MAML3: variants seen among roughly 807,000 people sequenced by gnomAD.
MAML3 encodes mastermind like transcriptional coactivator 3.
Under a neutral mutation model 101.9 loss-of-function variants are expected in MAML3, and 27 were observed. That is an observed-to-expected ratio of 0.27 (90% confidence interval 0.20 to 0.37). MAML3 has a LOEUF of 0.37. MAML3 is among the 10% of genes least tolerant of loss of function. The pLI is 1.00. For synonymous variants in MAML3, 501 were observed against 555.9 expected (o/e 0.90, Z 1.39); for missense variants, 1,316 against 1,444.9 (o/e 0.91, Z 1.45).
At chr4:139,939,825 C>T (rs557874026) in intron 1 of MAML3, among the ~76,000 whole-genome samples, 5 of 146,744 alleles carry the variant, frequency 3.4e-5, no homozygotes, top group South Asian at 2.2e-4. Flanking sequence ...AGTGCAGTGG[C>T]GCGATCTCGG....
At chr4:139,930,191 T>C (rs115169461) in intron 1 of MAML3, among the ~76,000 whole-genome samples, 3,184 of 152,296 alleles carry the variant, frequency 0.021, 122 homozygotes, top group African/African-American at 0.072. Flanking sequence ...CTTTGGGATA[T>C]GAAAGTACCA....
intron 2 of MAML3, among the ~76,000 whole-genome samples, chr4:139,809,430 C>T (rs929006843): frequency 6.6e-6 from 1 of 152,182 alleles, no homozygotes; most frequent in Admixed American, 6.5e-5. Context: ...ACAGAAGCAG[C>T]CACAGCACCA....
intron 1 of MAML3, among the ~76,000 whole-genome samples, chr4:139,918,656 G>C (rs2111231763): frequency 6.6e-6 from 1 of 152,266 alleles, no homozygotes. Flanking sequence ...GCTCCTTGCA[G>C]ACAAGCACCT....
intron 1 of MAML3, among the ~76,000 whole-genome samples, chr4:140,039,117 C>T (rs780061828): frequency 7.9e-5 from 12 of 151,276 alleles, no homozygotes; most frequent in Non-Finnish European, 1.3e-4. Flanking sequence ...AGCAAGACTC[C>T]GTCTAAAAAA....
At chr4:139,996,602 G>GTAAAA (rs1734819660) in intron 1 of MAML3, among the ~76,000 whole-genome samples, 1 of 151,850 alleles carries the variant, frequency 6.6e-6, no homozygotes, top group South Asian at 2.1e-4. Flanking sequence ...TATTTGCATA[G>GTAAAA]CAAATGATTT....
intron 1 of MAML3, among the ~76,000 whole-genome samples, chr4:139,905,346 G>T (rs1365929138): frequency 6.6e-6 from 1 of 152,000 alleles, no homozygotes; most frequent in Non-Finnish European, 1.5e-5. Flanking sequence ...AAAAAAATTA[G>T]CTGGGTGTGG....
At chr4:139,869,678 T>C (rs894706932) in intron 2 of MAML3, among the ~76,000 whole-genome samples, 9 of 152,076 alleles carry the variant, frequency 5.9e-5, no homozygotes, top group Non-Finnish European at 1.0e-4. Context: ...ACACACGTAA[T>C]ATTCATTAAA....
At chr4:139,899,304 G>A (rs1462357668) in intron 1 of MAML3, among the ~76,000 whole-genome samples, 1 of 152,158 alleles carries the variant, frequency 6.6e-6, no homozygotes, top group East Asian at 1.9e-4. Context: ...CTAAGAAACA[G>A]TGCTCTAGAT....
At chr4:140,104,335 T>C (rs1229022909) in intron 1 of MAML3, among the ~76,000 whole-genome samples, 1 of 112,836 alleles carries the variant, frequency 8.9e-6, no homozygotes, top group Non-Finnish European at 1.8e-5. Flanking sequence ...CAGTGAGCCC[T>C]GTCTCAAAAA....
In MAML3 at chr4:139,890,990, G is replaced by C. The variant is rs1181850794; in HGVS notation, c.469-23C>G. Reference sequence around the variant, plus strand: ...TAGCTGGAAAAGAAACAGGAAAGAGGATGACTAAACCTCCAAGTCATATTT... The same window carrying C: ...TAGCTGGAAAAGAAACAGGAAAGAGCATGACTAAACCTCCAAGTCATATTT... On this transcript the variant is annotated intron_variant, in intron 1 of 4. Transcript: ENST00000509479. The surrounding 1 kb of genome is among the most constrained non-coding windows in gnomAD (Gnocchi z 4.1). 6.3e-7 allele frequency: 1 copy of C among 1,599,228 alleles called. No homozygotes were observed. Among genetic ancestry groups the C allele is most frequent in the Non-Finnish European group, 8.5e-7 (1 of 1,171,524 alleles).
At chr4:140,076,015 G>A (rs1018551613) in intron 1 of MAML3, among the ~76,000 whole-genome samples, 1 of 151,648 alleles carries the variant, frequency 6.6e-6, no homozygotes, top group Non-Finnish European at 1.5e-5. Context: ...ACCTGCCTTG[G>A]CCTCCCAAAG....
chr4:140,013,777 C>T (rs888423001), intron 1 of MAML3, among the ~76,000 whole-genome samples: 5 of 152,164 alleles, frequency 3.3e-5, no homozygotes, highest in African/African-American at 1.2e-4. Context: ...TTCCCCATCC[C>T]CAGTGTAAAT....
chr4:139,801,634 GT>G (rs1347301818), intron 2 of MAML3, among the ~76,000 whole-genome samples: 12 of 10,116 alleles, frequency 1.2e-3, no homozygotes, highest in African/African-American at 3.3e-3. Context: ...CAGGAACAGG[GT>G]GTGTGTGGGT....
At chr4:139,933,117 GAGAA>G (rs1245570511) in intron 1 of MAML3, among the ~76,000 whole-genome samples, 5 of 152,044 alleles carry the variant, frequency 3.3e-5, no homozygotes, top group Non-Finnish European at 7.4e-5. Context: ...GAGATGTGGA[GAGAA>G]AGAAAGAAAG....
chr4:139,728,419 G>A (rs1263702276), intron 3 of MAML3, among the ~76,000 whole-genome samples: 2 of 152,194 alleles, frequency 1.3e-5, no homozygotes, highest in Admixed American at 1.3e-4. Context: ...AGCACATACA[G>A]CTTCCAAAAC....
chr4:139,892,980 T>C (rs1732534670), intron 1 of MAML3, among the ~76,000 whole-genome samples: 2 of 150,240 alleles, frequency 1.3e-5, no homozygotes, highest in South Asian at 2.1e-4. Context: ...AAAAACCACC[T>C]GGCTCCTGCT....
At chr4:139,867,249 C>T (rs1731914305) in intron 2 of MAML3, among the ~76,000 whole-genome samples, 2 of 152,100 alleles carry the variant, frequency 1.3e-5, no homozygotes, top group South Asian at 4.2e-4. Flanking sequence ...CATTGAATCC[C>T]CTGCAAATGT....
chr4:140,037,137 G>C (rs1388231742), intron 1 of MAML3, among the ~76,000 whole-genome samples: 1 of 151,654 alleles, frequency 6.6e-6, no homozygotes, highest in Non-Finnish European at 1.5e-5. Flanking sequence ...GTAGATTACT[G>C]GGAAAGTGAG....
chr4:140,050,707 C>G (rs545321138), intron 1 of MAML3, among the ~76,000 whole-genome samples: 1 of 152,296 alleles, frequency 6.6e-6, no homozygotes, highest in East Asian at 1.9e-4. Flanking sequence ...GAGTCCTCAC[C>G]CATGGGAATA....
Sources: allele counts gnomAD v4.1 joint callset (sites outside exome capture counted in the v4.1 genomes callset), GRCh38; gene constraint gnomAD v4.1.1; non-coding constraint Gnocchi (gnomAD v3.1); transcripts MANE v1.5; gene names NCBI Gene and HGNC (gene_info 2026-07-23, HGNC 2026-07-21).